Variants in PDE1A observed in about 807,000 individuals in gnomAD.
PDE1A encodes phosphodiesterase 1A.
A neutral mutation model predicts 61.7 loss-of-function variants in PDE1A; 35 were observed. That is an observed-to-expected ratio of 0.57 (90% CI 0.43 to 0.75). The LOEUF is 0.75. Among genes scored for constraint, PDE1A ranks in the 30% least tolerant of loss-of-function variants. The pLI is 0.00. For missense variants in PDE1A, 597 were observed against 630.6 expected (o/e 0.95, Z 0.57); for synonymous variants, 232 against 213.2 (o/e 1.09, Z -0.77).
chr2:182,683,304 C>G, the PDE1A span, among the ~76,000 whole-genome samples: 2 of 151,968 alleles, frequency 1.3e-5, no homozygotes, highest in African/African-American at 4.8e-5. Flanking sequence ...GTCTTGAACT[C>G]CTGACCTCAT....
intron 13 of PDE1A, among the ~76,000 whole-genome samples, chr2:182,183,672 C>A (rs1684955605): frequency 6.6e-6 from 1 of 151,614 alleles, no homozygotes; most frequent in Non-Finnish European, 1.5e-5. Flanking sequence ...CATTTATAGT[C>A]AGTTTTAAAA....
At chr2:182,291,669 T>C (rs833160) in intron 1 of PDE1A, among the ~76,000 whole-genome samples, 2,448 of 152,098 alleles carry the variant, frequency 0.016, 40 homozygotes, top group African/African-American at 0.033. Context: ...GAGCATAAAG[T>C]GGAAGAATGA....
chr2:182,560,025 C>A, the PDE1A span, among the ~76,000 whole-genome samples: 13 of 149,432 alleles, frequency 8.7e-5, no homozygotes, highest in African/African-American at 3.2e-4. Flanking sequence ...AACACATTTT[C>A]TTGGTGGCAG....
At chr2:182,473,499 A>G (rs1178409702) in intron 2 of PDE1A, among the ~76,000 whole-genome samples, 1 of 151,836 alleles carries the variant, frequency 6.6e-6, no homozygotes, top group African/African-American at 2.4e-5. Flanking sequence ...TTCTTTTTTT[A>G]TACTTTTAAG....
At chr2:182,468,184 T>C (rs1297601194) in intron 2 of PDE1A, among the ~76,000 whole-genome samples, 1 of 151,986 alleles carries the variant, frequency 6.6e-6, no homozygotes, top group Non-Finnish European at 1.5e-5. Flanking sequence ...ACTCCTCTTT[T>C]CACAAAAGGT....
the PDE1A span, among the ~76,000 whole-genome samples, chr2:182,572,203 T>C: frequency 2.0e-5 from 3 of 152,164 alleles, no homozygotes; most frequent in Non-Finnish European, 4.4e-5. Context: ...TTTATGTGCT[T>C]ATACGAAGCC....
intron 1 of PDE1A, among the ~76,000 whole-genome samples, chr2:182,322,960 T>A (rs1462329021): frequency 6.6e-6 from 1 of 152,172 alleles, no homozygotes; most frequent in African/African-American, 2.4e-5. Flanking sequence ...TATGCTTAGT[T>A]CCTACAAAAT....
At chr2:182,423,810 C>T (rs1016699127) in intron 1 of PDE1A, among the ~76,000 whole-genome samples, 5 of 151,826 alleles carry the variant, frequency 3.3e-5, no homozygotes, top group Non-Finnish European at 7.4e-5. Context: ...GAAGTGGACA[C>T]TTGTAGTCAA....
intron 13 of PDE1A, among the ~76,000 whole-genome samples, chr2:182,179,958 A>G (rs1015152825): frequency 6.6e-6 from 1 of 152,196 alleles, no homozygotes; most frequent in Non-Finnish European, 1.5e-5. Flanking sequence ...TATGATGATG[A>G]GCAAACATCT....
At chr2:182,386,378 G>A (rs923481978) in intron 1 of PDE1A, among the ~76,000 whole-genome samples, 10 of 151,496 alleles carry the variant, frequency 6.6e-5, no homozygotes, top group East Asian at 3.9e-4. Flanking sequence ...CTTCCTGGCC[G>A]CCATCCCATC....
chr2:182,298,727 C>T (rs570840566), intron 1 of PDE1A, among the ~76,000 whole-genome samples: 164 of 151,986 alleles, frequency 1.1e-3, no homozygotes, highest in Non-Finnish European at 1.8e-3. Flanking sequence ...AGAAACAGTC[C>T]CTTCTATAGG....
At chr2:182,604,062 A>C in the PDE1A span, among the ~76,000 whole-genome samples, 2 of 152,136 alleles carry the variant, frequency 1.3e-5, no homozygotes. Flanking sequence ...TAAAGTATAC[A>C]TGCCCAGAAC....
the PDE1A span, among the ~76,000 whole-genome samples, chr2:182,697,068 T>C: frequency 1.3e-5 from 2 of 152,126 alleles, no homozygotes; most frequent in Admixed American, 1.3e-4. Context: ...AAAGGCCAAA[T>C]TGCACCAAAT....
At chr2:182,578,129 C>A in the PDE1A span, among the ~76,000 whole-genome samples, 1 of 152,186 alleles carries the variant, frequency 6.6e-6, no homozygotes, top group Non-Finnish European at 1.5e-5. Context: ...CTAGAAGAAG[C>A]CCGAAGTCAT....
At chr2:182,335,053 A>C in intron 1 of PDE1A, among the ~76,000 whole-genome samples, 1 of 152,298 alleles carries the variant, frequency 6.6e-6, no homozygotes, top group South Asian at 2.1e-4. Context: ...AAAGTAACTA[A>C]GAATACAGCT....
the PDE1A span, among the ~76,000 whole-genome samples, chr2:182,610,133 A>G: frequency 1.3e-5 from 2 of 151,876 alleles, no homozygotes; most frequent in East Asian, 3.9e-4. Context: ...GGAGCCAACG[A>G]GTCTGGACAA....
chr2:182,687,252 C>T, the PDE1A span, among the ~76,000 whole-genome samples: 8 of 152,282 alleles, frequency 5.3e-5, no homozygotes, highest in Admixed American at 4.6e-4. Flanking sequence ...GGGTCCCTGA[C>T]CCCCAAGTAG....
the PDE1A span, among the ~76,000 whole-genome samples, chr2:182,599,360 T>A: frequency 6.6e-6 from 1 of 152,134 alleles, no homozygotes; most frequent in Non-Finnish European, 1.5e-5. Flanking sequence ...TCTTTTTCTT[T>A]CCTGGACGCT....
At chr2:182,709,129 C>G in the PDE1A span, among the ~76,000 whole-genome samples, 1 of 151,490 alleles carries the variant, frequency 6.6e-6, no homozygotes, top group Non-Finnish European at 1.5e-5. Flanking sequence ...AAGATTGTAC[C>G]TGGTTCTAAA....
Sources: allele counts gnomAD v4.1 joint callset (sites outside exome capture counted in the v4.1 genomes callset), GRCh38; gene constraint gnomAD v4.1.1; transcripts MANE v1.5; gene names NCBI Gene and HGNC (gene_info 2026-07-23, HGNC 2026-07-21).